The following ADAMTSL1 variants were observed in gnomAD, a reference collection of about 807,000 sequenced individuals.
ADAMTSL1 encodes the protein ADAMTS like 1, also known as ADAMTS-like protein 1.
A neutral mutation model predicts 201.8 loss-of-function variants in ADAMTSL1; 126 were observed. The ratio of observed to expected loss-of-function variants is 0.62; its 90% CI spans 0.54 to 0.72. The LOEUF is 0.72. ADAMTSL1 is among the 30% of genes least tolerant of loss of function. ADAMTSL1 has a pLI of 0.00. For missense variants in ADAMTSL1, 2,679 were observed against 2,277.8 expected (o/e 1.18, Z -3.59); for synonymous variants, 1,121 against 903.4 (o/e 1.24, Z -4.32).
chr9:17,984,936 A>T (rs1039257175), intron 1 of ADAMTSL1, among the ~76,000 whole-genome samples: 2 of 152,136 alleles, frequency 1.3e-5, no homozygotes, highest in African/African-American at 4.8e-5. Flanking sequence ...TTTGCTTCGT[A>T]ATATCATATC....
intron 4 of ADAMTSL1, among the ~76,000 whole-genome samples, chr9:18,588,878 CATATACAT>C (rs1564072088): frequency 1.9e-5 from 2 of 103,606 alleles, no homozygotes; most frequent in Non-Finnish European, 4.1e-5. Flanking sequence ...CATATATATA[CATATACAT>C]ATATATATAT....
chr9:18,809,107 G>A (rs968800737), intron 20 of ADAMTSL1, among the ~76,000 whole-genome samples: 4 of 152,212 alleles, frequency 2.6e-5, no homozygotes, highest in Admixed American at 6.5e-5. Flanking sequence ...TAATGAAGTA[G>A]CAGGGGCTGG....
chr9:18,343,645 T>G (rs1835569579), intron 2 of ADAMTSL1, among the ~76,000 whole-genome samples: 2 of 152,148 alleles, frequency 1.3e-5, no homozygotes, highest in Admixed American at 6.6e-5. Flanking sequence ...GTAAACGGTT[T>G]GGATAAAGAA....
At chr9:18,667,582 T>G (rs1587844669) in intron 9 of ADAMTSL1, among the ~76,000 whole-genome samples, 1 of 152,274 alleles carries the variant, frequency 6.6e-6, no homozygotes, top group East Asian at 1.9e-4. Flanking sequence ...CCTCATAAAG[T>G]TGTCATGAGG....
intron 2 of ADAMTSL1, among the ~76,000 whole-genome samples, chr9:18,399,280 C>CATGT (rs1554672252): frequency 1.9e-4 from 6 of 31,008 alleles, no homozygotes; most frequent in Non-Finnish European, 3.9e-4. Flanking sequence ...GTCTGCTTTA[C>CATGT]ATATATATAT....
At chr9:18,397,737 T>C (rs935632605) in intron 2 of ADAMTSL1, among the ~76,000 whole-genome samples, 1 of 152,200 alleles carries the variant, frequency 6.6e-6, no homozygotes, top group Non-Finnish European at 1.5e-5. Flanking sequence ...TTTAAATCAA[T>C]GAAACACACT....
chr9:18,868,422 C>T (rs539162169), intron 23 of ADAMTSL1, among the ~76,000 whole-genome samples: 1 of 152,124 alleles, frequency 6.6e-6, no homozygotes, highest in Non-Finnish European at 1.5e-5. Flanking sequence ...TTGTTGTCTT[C>T]CTTTAAAGAT....
At chr9:18,410,720 C>T (rs1235321401) in intron 2 of ADAMTSL1, among the ~76,000 whole-genome samples, 1 of 152,082 alleles carries the variant, frequency 6.6e-6, no homozygotes, top group Non-Finnish European at 1.5e-5. Flanking sequence ...TATTTGCATT[C>T]CTTTGGGTAT....
At chr9:18,241,729 A>T (rs1831071726) in intron 2 of ADAMTSL1, among the ~76,000 whole-genome samples, 1 of 152,136 alleles carries the variant, frequency 6.6e-6, no homozygotes, top group South Asian at 2.1e-4. Flanking sequence ...ATCATAAGGG[A>T]TTATTATGAG....
chr9:18,906,688 G>T lies in ADAMTSL1; in HGVS notation c.4962-4G>T. The T allele has an allele frequency of 1.3e-6, 2 of 1,576,986 alleles. No individual in the cohort carries two copies. The highest frequency in any genetic ancestry group is 1.7e-6 in the Non-Finnish European group (2 of 1,160,128). On this transcript the variant is annotated splice_polypyrimidine_tract_variant and splice_region_variant and intron_variant, in intron 27 of 28. Transcript: ENST00000380548. ...ACCTTAACCCTGCCACCATCCTCCT[G>T]CAGGCCTGTGAGCACCCAGAACTGC...
intron 2 of ADAMTSL1, among the ~76,000 whole-genome samples, chr9:18,375,307 A>G (rs902112608): frequency 6.6e-6 from 1 of 152,200 alleles, no homozygotes; most frequent in African/African-American, 2.4e-5. Flanking sequence ...ATATCCTGTA[A>G]CTGATTACTG....
chr9:18,571,596 C>T (rs1207696684), intron 3 of ADAMTSL1, among the ~76,000 whole-genome samples: 1 of 152,158 alleles, frequency 6.6e-6, no homozygotes, highest in Non-Finnish European at 1.5e-5. Flanking sequence ...ACTTGTGGAT[C>T]ATATAAAGGT....
chr9:18,725,058 C>T (rs894826138), intron 15 of ADAMTSL1, among the ~76,000 whole-genome samples: 1 of 152,146 alleles, frequency 6.6e-6, no homozygotes, highest in Non-Finnish European at 1.5e-5. Context: ...AGGCGCCCAC[C>T]ACCACGCCTG....
chr9:18,136,867 G>C (rs1334623327), intron 1 of ADAMTSL1, among the ~76,000 whole-genome samples: 1 of 152,096 alleles, frequency 6.6e-6, no homozygotes, highest in African/African-American at 2.4e-5. Flanking sequence ...TTTTAAAACA[G>C]TCACAGAGGC....
chr9:18,261,268 G>C (rs1287039326), intron 2 of ADAMTSL1, among the ~76,000 whole-genome samples: 1 of 152,016 alleles, frequency 6.6e-6, no homozygotes, highest in African/African-American at 2.4e-5. Flanking sequence ...GAGGCCTTTT[G>C]TGCTTCATTT....
chr9:18,110,677 A>T (rs1260187529), intron 1 of ADAMTSL1, among the ~76,000 whole-genome samples: 1 of 152,138 alleles, frequency 6.6e-6, no homozygotes, highest in African/African-American at 2.4e-5. Context: ...TCAGGCATGG[A>T]GACTCTCTAA....
intron 23 of ADAMTSL1, among the ~76,000 whole-genome samples, chr9:18,838,638 G>A (rs1427152268): frequency 6.6e-6 from 1 of 151,920 alleles, no homozygotes; most frequent in Admixed American, 6.6e-5. Flanking sequence ...ACCAGCCTGG[G>A]CAACACAGCA....
At chr9:18,178,157 C>T (rs1387341218) in intron 2 of ADAMTSL1, among the ~76,000 whole-genome samples, 1 of 152,180 alleles carries the variant, frequency 6.6e-6, no homozygotes, top group South Asian at 2.1e-4. Context: ...GGGCGCAGGT[C>T]AGTGGGTGAG....
chr9:18,060,961 A>C (rs1586965053), intron 1 of ADAMTSL1, among the ~76,000 whole-genome samples: 2 of 152,328 alleles, frequency 1.3e-5, no homozygotes, highest in South Asian at 4.1e-4. Flanking sequence ...ATATAACTAG[A>C]AAAGTAACTC....
Sources: gnomAD v4.1 joint callset for allele counts (sites outside exome capture counted in the v4.1 genomes callset) on GRCh38, gnomAD v4.1.1 for gene constraint, MANE v1.5 for transcripts, NCBI Gene and HGNC (gene_info 2026-07-23, HGNC 2026-07-21) for gene names.